Variants in EEIG2 observed in about 807,000 individuals in gnomAD.
EEIG2 encodes the protein family with sequence similarity 102 member B.
the EEIG2 span, chr1:108,627,847 TG>T: frequency 8.0e-6 from 2 of 248,702 alleles, no homozygotes; most frequent in African/African-American, 4.4e-5. Context: ...ACACTAAAAC[TG>T]TAGCAGTTTT....
the EEIG2 span, among the ~76,000 whole-genome samples, chr1:108,603,616 C>T: frequency 3.3e-5 from 5 of 151,970 alleles, no homozygotes; most frequent in Admixed American, 6.6e-5. Context: ...ATCAAGCATA[C>T]GAAGAGACAT....
chr1:108,599,561 G>A, the EEIG2 span, among the ~76,000 whole-genome samples: 1 of 152,154 alleles, frequency 6.6e-6, no homozygotes, highest in Admixed American at 6.5e-5. Flanking sequence ...GCTTGAAAGA[G>A]CAAAGTTGTG....
At chr1:108,625,893 T>C in the EEIG2 span, 1 of 152,074 alleles carries the variant, frequency 6.6e-6, no homozygotes, top group Non-Finnish European at 1.5e-5. Context: ...TAGCCAAACT[T>C]CTAGAAAGAA....
chr1:108,581,668 T>G, the EEIG2 span, among the ~76,000 whole-genome samples: 3 of 152,182 alleles, frequency 2.0e-5, no homozygotes, highest in Non-Finnish European at 4.4e-5. Flanking sequence ...CCTGAAGATG[T>G]GACTGAATTG....
At chr1:108,560,554 C>T in the EEIG2 span, 4 of 1,610,910 alleles carry the variant, frequency 2.5e-6, no homozygotes, top group African/African-American at 5.3e-5. Flanking sequence ...GCTTCACCGC[C>T]GAGTCCTCCA....
At chr1:108,586,805 T>C in the EEIG2 span, among the ~76,000 whole-genome samples, 1 of 152,198 alleles carries the variant, frequency 6.6e-6, no homozygotes, top group Non-Finnish European at 1.5e-5. Flanking sequence ...ACTGGCTGAT[T>C]GGAGCTGTAA....
chr1:108,605,781 A>G, the EEIG2 span, among the ~76,000 whole-genome samples: 1 of 152,182 alleles, frequency 6.6e-6, no homozygotes, highest in Non-Finnish European at 1.5e-5. Flanking sequence ...TACTAAATGT[A>G]TACTTTTACA....
the EEIG2 span, among the ~76,000 whole-genome samples, chr1:108,582,920 C>CT: frequency 1.3e-5 from 2 of 151,986 alleles, no homozygotes; most frequent in Non-Finnish European, 2.9e-5. Context: ...TTTGGCAGGC[C>CT]TTGGGTGCAG....
At chr1:108,619,598 T>C in the EEIG2 span, among the ~76,000 whole-genome samples, 2 of 152,206 alleles carry the variant, frequency 1.3e-5, no homozygotes, top group Admixed American at 6.5e-5. Flanking sequence ...TGCTCAAATA[T>C]ATTATGAGGC....
chr1:108,593,832 G>A, the EEIG2 span, among the ~76,000 whole-genome samples: 17 of 152,062 alleles, frequency 1.1e-4, no homozygotes, highest in African/African-American at 3.9e-4. Flanking sequence ...TTGAGATAAA[G>A]CCTCGCTCTG....
At chr1:108,571,429 A>G in the EEIG2 span, among the ~76,000 whole-genome samples, 3 of 152,178 alleles carry the variant, frequency 2.0e-5, no homozygotes, top group African/African-American at 7.2e-5. Flanking sequence ...TAATCCTAGA[A>G]CAGAGGTTTC....
chr1:108,561,895 CA>C, the EEIG2 span, among the ~76,000 whole-genome samples: 2 of 152,198 alleles, frequency 1.3e-5, no homozygotes, highest in Non-Finnish European at 2.9e-5. Context: ...CCCCCGACGC[CA>C]GGCAGTTAGA....
the EEIG2 span, chr1:108,629,615 C>T: frequency 6.2e-7 from 1 of 1,611,266 alleles, no homozygotes; most frequent in South Asian, 1.1e-5. Flanking sequence ...TTTGTGGGTC[C>T]TGGGGGAAGT....
chr1:108,594,555 A>C, the EEIG2 span, among the ~76,000 whole-genome samples: 5 of 152,200 alleles, frequency 3.3e-5, no homozygotes, highest in African/African-American at 1.2e-4. Context: ...AAATGGAGTT[A>C]GTAGTACCCT....
At chr1:108,635,943 T>G in the EEIG2 span, 4 of 152,226 alleles carry the variant, frequency 2.6e-5, no homozygotes, top group Non-Finnish European at 5.9e-5. Context: ...CATTGAATAT[T>G]AAGATCTGCT....
At chr1:108,637,386 C>T in the EEIG2 span, 1 of 152,036 alleles carries the variant, frequency 6.6e-6, no homozygotes, top group Admixed American at 6.6e-5. Context: ...TCAGTGCAGT[C>T]CTTTCAAAAT....
chr1:108,566,751 C>CT, the EEIG2 span, among the ~76,000 whole-genome samples: 1 of 151,512 alleles, frequency 6.6e-6, no homozygotes, highest in African/African-American at 2.4e-5. Context: ...ACCTGGAGGA[C>CT]TTTTGTTTAA....
the EEIG2 span, chr1:108,612,154 A>G: frequency 6.6e-7 from 1 of 1,517,608 alleles, no homozygotes; most frequent in Non-Finnish European, 9.1e-7. Context: ...TAGTCTATTA[A>G]TATAATTCTC....
At chr1:108,621,760 T>C in the EEIG2 span, among the ~76,000 whole-genome samples, 1 of 152,126 alleles carries the variant, frequency 6.6e-6, no homozygotes, top group Non-Finnish European at 1.5e-5. Flanking sequence ...TTAATGACTA[T>C]GACTGTAGGC....
Sources: gnomAD v4.1 joint callset for allele counts (sites outside exome capture counted in the v4.1 genomes callset) on GRCh38, gnomAD v4.1.1 for gene constraint, MANE v1.5 for transcripts, NCBI Gene and HGNC (gene_info 2026-07-23, HGNC 2026-07-21) for gene names.